Variants in RAP1GDS1 observed in about 807,000 individuals in gnomAD.
RAP1GDS1 encodes Rap1 GTPase-GDP dissociation stimulator 1.
RAP1GDS1 carries 35 observed loss-of-function variants against 71.1 expected under a neutral mutation model. The observed-to-expected ratio is 0.49, with a 90% CI of 0.38 to 0.65. The LOEUF is 0.65. RAP1GDS1 is among the 30% of genes least tolerant of loss of function. RAP1GDS1 has a pLI of 0.00. For synonymous variants in RAP1GDS1, 229 were observed against 243.1 expected (o/e 0.94, Z 0.54); for missense variants, 663 against 706.1 (o/e 0.94, Z 0.69).
chr4:98,353,865 T>G (rs1737565708), intron 4 of RAP1GDS1, among the ~76,000 whole-genome samples: 1 of 152,188 alleles, frequency 6.6e-6, no homozygotes, highest in Non-Finnish European at 1.5e-5. Context: ...CACCATAGTT[T>G]ATAATATCAA....
intron 13 of RAP1GDS1, among the ~76,000 whole-genome samples, chr4:98,434,930 G>A (rs1750942380): frequency 6.6e-6 from 1 of 152,054 alleles, no homozygotes; most frequent in Non-Finnish European, 1.5e-5. Context: ...CCCTAATATA[G>A]CATTTCTGTT....
chr4:98,414,721 A>T (rs1578799345), intron 7 of RAP1GDS1, among the ~76,000 whole-genome samples: 1 of 151,738 alleles, frequency 6.6e-6, no homozygotes, highest in Non-Finnish European at 1.5e-5. Flanking sequence ...TTCCATATGA[A>T]CTTTAAAGTA....
intron 2 of RAP1GDS1, among the ~76,000 whole-genome samples, chr4:98,324,897 C>A (rs1247737015): frequency 1.3e-5 from 2 of 152,204 alleles, no homozygotes; most frequent in Non-Finnish European, 2.9e-5. Flanking sequence ...AAAGCAATGG[C>A]AACAAAAGCC....
chr4:98,304,020 A>G (rs2110302345), intron 2 of RAP1GDS1, among the ~76,000 whole-genome samples: 1 of 152,292 alleles, frequency 6.6e-6, no homozygotes. Flanking sequence ...ATGTCCCTAC[A>G]AAGGACATGA....
intron 2 of RAP1GDS1, among the ~76,000 whole-genome samples, chr4:98,313,280 C>A (rs1173800533): frequency 6.6e-6 from 1 of 151,964 alleles, no homozygotes; most frequent in Non-Finnish European, 1.5e-5. Flanking sequence ...TGATAGGGCA[C>A]AATGTCCCAC....
intron 5 of RAP1GDS1, among the ~76,000 whole-genome samples, chr4:98,389,461 G>T (rs1743274276): frequency 6.6e-6 from 1 of 152,046 alleles, no homozygotes; most frequent in Non-Finnish European, 1.5e-5. Context: ...CACCCAGTTG[G>T]TCCACAGTGA....
chr4:98,333,249 A>G (rs1284341509), intron 2 of RAP1GDS1, among the ~76,000 whole-genome samples: 1 of 152,042 alleles, frequency 6.6e-6, no homozygotes, highest in African/African-American at 2.4e-5. Context: ...TAGCGAATAC[A>G]TTTTTATGCT....
At position 98,406,654 on chromosome 4, in the gene RAP1GDS1, G is replaced by A. The variant is rs928675042; in HGVS notation, c.763+2052G>A. Among the ~76,000 whole-genome samples, 33 of 151,990 alleles carry A rather than the reference G, an allele frequency of 2.2e-4. 1 individual carries two copies. Among genetic ancestry groups the A allele is most frequent in the Non-Finnish European group, 5.9e-5 (4 of 67,928 alleles). On this transcript the variant is annotated intron_variant, in intron 7 of 14. Transcript: ENST00000408927. The stretch of plus-strand genomic sequence containing the variant: ...TTATAGAAAATTTGAAAATGATTAA[G>A]ACAATTGATTTAATGGACCTATTTT...
chr4:98,420,188 T>G (rs1308253990), intron 11 of RAP1GDS1, 44 bp downstream of exon 11: 1 of 1,425,090 alleles, frequency 7.0e-7, no homozygotes, highest in Non-Finnish European at 9.3e-7. Context: ...CATATGATAG[T>G]CTTAATGTGC....
intron 5 of RAP1GDS1, among the ~76,000 whole-genome samples, chr4:98,380,901 A>T (rs1741901236): frequency 6.6e-6 from 1 of 150,976 alleles, no homozygotes; most frequent in Non-Finnish European, 1.5e-5. Context: ...GGAAGCTGTT[A>T]AAAAAAAATC....
In RAP1GDS1 at chr4:98,261,414, A is replaced by G. The variant is rs1044521978; in HGVS notation, c.-152A>G. On this transcript the variant is annotated 5_prime_UTR_variant, in exon 1 of 15. Coordinates refer to ENST00000408927, the MANE Select transcript of RAP1GDS1 (RefSeq NM_001100427.2). ...TCCCCGCCGCGGCCGCGCCGCCTGC[A>G]GCAGCACCAGCTGCTCCTCCCCGGC... 1.5e-5 allele frequency: 6 copies of G among 392,514 alleles called. No individual in the cohort carries two copies. Among genetic ancestry groups the G allele is most frequent in the Admixed American group, 6.0e-5 (1 of 16,658 alleles). The allele number at this position is 392,514 out of a possible 1,614,324, so 24.3% of individuals were successfully genotyped here.
intron 3 of RAP1GDS1, among the ~76,000 whole-genome samples, chr4:98,346,824 G>A (rs1487241488): frequency 2.0e-5 from 3 of 152,150 alleles, no homozygotes; most frequent in South Asian, 2.1e-4. Flanking sequence ...GATTACAGGC[G>A]TGAGCCACTG....
At chr4:98,407,696 G>A (rs564365231) in intron 7 of RAP1GDS1, among the ~76,000 whole-genome samples, 3 of 152,200 alleles carry the variant, frequency 2.0e-5, no homozygotes, top group African/African-American at 7.2e-5. Context: ...ATGAGGGGGT[G>A]AGGGGTAAAA....
intron 6 of RAP1GDS1, among the ~76,000 whole-genome samples, chr4:98,400,894 A>G (rs1488347559): frequency 2.0e-5 from 3 of 152,168 alleles, no homozygotes; most frequent in Non-Finnish European, 2.9e-5. Context: ...ATAGAATCCT[A>G]TACTCTGTCA....
At chr4:98,407,831 T>TA (rs35721684) in intron 7 of RAP1GDS1, among the ~76,000 whole-genome samples, 32 of 151,734 alleles carry the variant, frequency 2.1e-4, no homozygotes, top group East Asian at 3.9e-4. Context: ...ATTGAAATTT[T>TA]AAAAAAAATA....
chr4:98,435,857 G>A (rs1751052111), intron 13 of RAP1GDS1, among the ~76,000 whole-genome samples: 1 of 151,920 alleles, frequency 6.6e-6, no homozygotes, highest in Non-Finnish European at 1.5e-5. Context: ...GGATCATGAG[G>A]TCAGGAGATC....
At chr4:98,415,781 TC>T (rs1747861131) in intron 7 of RAP1GDS1, among the ~76,000 whole-genome samples, 1 of 152,254 alleles carries the variant, frequency 6.6e-6, no homozygotes, top group Non-Finnish European at 1.5e-5. Context: ...GTTATTTTTT[TC>T]TTTTAACTTT....
At chr4:98,427,512 CAA>C (rs1749780882) in intron 12 of RAP1GDS1, among the ~76,000 whole-genome samples, 1 of 152,104 alleles carries the variant, frequency 6.6e-6, no homozygotes, top group African/African-American at 2.4e-5. Context: ...AAGAATTCAG[CAA>C]AGTTTCCAGA....
intron 5 of RAP1GDS1, among the ~76,000 whole-genome samples, chr4:98,385,046 C>G (rs917392896): frequency 1.3e-5 from 2 of 151,388 alleles, no homozygotes; most frequent in Non-Finnish European, 3.0e-5. Context: ...TAATCATAGC[C>G]GTTATCAAAT....
Sources: gnomAD v4.1 joint callset for allele counts (sites outside exome capture counted in the v4.1 genomes callset) on GRCh38, gnomAD v4.1.1 for gene constraint, MANE v1.5 for transcripts, NCBI Gene and HGNC (gene_info 2026-07-23, HGNC 2026-07-21) for gene names.